Variants in MARCHF11 observed in about 807,000 individuals in gnomAD.
MARCHF11 encodes the protein membrane associated ring-CH-type finger 11, also known as E3 ubiquitin-protein ligase MARCHF11.
A neutral mutation model predicts 37.3 loss-of-function variants in MARCHF11; 29 were observed. That is an observed-to-expected ratio of 0.78 (90% CI 0.58 to 1.06). The LOEUF (loss-of-function observed/expected upper bound fraction) is 1.06. Among genes scored for constraint, MARCHF11 ranks in the 50% least tolerant of loss-of-function variants. The probability of loss-of-function intolerance (pLI) is 0.00; values close to 1 mark genes in which losing one functional copy is unlikely to be tolerated. For missense variants in MARCHF11, 482 were observed against 533.4 expected, an observed-to-expected ratio of 0.90 and a Z score of 0.95; for synonymous variants, 233 against 228.0, an observed-to-expected ratio of 1.02 and a Z score of -0.20.
At chr5:16,085,939 C>CAAAAAAAAAAAAAAAAAAAAAAAA (rs56782867) in intron 3 of MARCHF11, among the ~76,000 whole-genome samples, 2 of 40,952 alleles carry the variant, frequency 4.9e-5, no homozygotes, top group African/African-American at 8.3e-5. Context: ...GACTCCATCT[C>CAAAAAAAAAAAAAAAAAAAAAAAA]AAAAAAAAAA....
intron 3 of MARCHF11, among the ~76,000 whole-genome samples, chr5:16,075,812 G>A (rs1736506828): frequency 6.6e-6 from 1 of 152,228 alleles, no homozygotes; most frequent in African/African-American, 2.4e-5. Context: ...TCACGAGTGG[G>A]TTTTGGTCTT....
rs377235020 is a variant in MARCHF11 at position 16,074,283 on chromosome 5, T to A, written c.887-6490A>T. Reference sequence around the variant, plus strand: ...CAAGAGGAAAGTTCATAGCATTAAATGCCTACATCAAAAAGTCTGAAAGAG... The same window carrying A: ...CAAGAGGAAAGTTCATAGCATTAAAAGCCTACATCAAAAAGTCTGAAAGAG... On this transcript the variant is annotated intron_variant, in intron 3 of 3. Transcript: ENST00000332432. Among the ~76,000 whole-genome samples the A allele has an allele frequency of 8.5e-5, 13 of 152,250 alleles. No homozygotes were observed. The South Asian group carries it at 2.7e-3, about 32-fold the overall frequency.
intron 3 of MARCHF11, among the ~76,000 whole-genome samples, chr5:16,076,991 C>T (rs1263279737): frequency 6.6e-6 from 1 of 152,192 alleles, no homozygotes; most frequent in South Asian, 2.1e-4. Context: ...AAATTTTTCT[C>T]TGGCCTTTAT....
At chr5:16,117,368 C>T (rs940706845) in intron 2 of MARCHF11, among the ~76,000 whole-genome samples, 1 of 152,206 alleles carries the variant, frequency 6.6e-6, no homozygotes, top group Admixed American at 6.5e-5. Flanking sequence ...CTTTTACAGC[C>T]ATCTGATAAA....
At chr5:16,084,418 G>A (rs1303149074) in intron 3 of MARCHF11, among the ~76,000 whole-genome samples, 4 of 152,130 alleles carry the variant, frequency 2.6e-5, no homozygotes, top group South Asian at 4.1e-4. Flanking sequence ...CGAGGCAGGC[G>A]GGTCACTTGA....
chr5:16,152,571 C>T (rs1359949983), intron 2 of MARCHF11, among the ~76,000 whole-genome samples: 1 of 151,944 alleles, frequency 6.6e-6, no homozygotes, highest in Non-Finnish European at 1.5e-5. Flanking sequence ...AATCAGACAT[C>T]CATTTCTTAC....
chr5:16,082,128 A>G (rs1433608195), intron 3 of MARCHF11, among the ~76,000 whole-genome samples: 1 of 152,228 alleles, frequency 6.6e-6, no homozygotes, highest in Non-Finnish European at 1.5e-5. Flanking sequence ...ACAATTTCAC[A>G]TCACAAAGGG....
chr5:16,172,751 C>T (rs1168214225), intron 2 of MARCHF11, among the ~76,000 whole-genome samples: 14 of 152,190 alleles, frequency 9.2e-5, no homozygotes, highest in Admixed American at 9.2e-4. Context: ...ATGCCCCTTT[C>T]ATGATGGAGC....
At chr5:16,178,337 C>G (rs1738399431) in intron 1 of MARCHF11, among the ~76,000 whole-genome samples, 1 of 152,154 alleles carries the variant, frequency 6.6e-6, no homozygotes, top group African/African-American at 2.4e-5. Flanking sequence ...CCTGTATATT[C>G]TTATGCAATT....
intron 2 of MARCHF11, among the ~76,000 whole-genome samples, chr5:16,130,775 G>C (rs1445475637): frequency 1.3e-5 from 2 of 152,064 alleles, no homozygotes; most frequent in African/African-American, 2.4e-5. Flanking sequence ...ACTACTGCCA[G>C]GGATCAAACC....
At chr5:16,117,842 A>G (rs1201802940) in intron 2 of MARCHF11, among the ~76,000 whole-genome samples, 2 of 152,216 alleles carry the variant, frequency 1.3e-5, no homozygotes, top group African/African-American at 4.8e-5. Flanking sequence ...ACACTGCTGA[A>G]AAGACAGACA....
intron 2 of MARCHF11, among the ~76,000 whole-genome samples, chr5:16,121,458 GTAAA>G (rs2126577294): frequency 6.6e-6 from 1 of 152,208 alleles, no homozygotes; most frequent in South Asian, 2.1e-4. Flanking sequence ...ACGTAAACAA[GTAAA>G]TAAATGAATG....
chr5:16,153,445 T>C (rs746595317), intron 2 of MARCHF11, among the ~76,000 whole-genome samples: 2 of 151,934 alleles, frequency 1.3e-5, no homozygotes, highest in Admixed American at 1.3e-4. Context: ...CTAGGAAGCA[T>C]GACTGTCACT....
intron 2 of MARCHF11, among the ~76,000 whole-genome samples, chr5:16,118,656 A>G (rs2126575396): frequency 6.6e-6 from 1 of 152,332 alleles, no homozygotes; most frequent in East Asian, 1.9e-4. Flanking sequence ...TAAGAAATCT[A>G]AACTACACTA....
chr5:16,124,989 A>G (rs1031912856), intron 2 of MARCHF11, among the ~76,000 whole-genome samples: 6 of 151,520 alleles, frequency 4.0e-5, no homozygotes, highest in Non-Finnish European at 8.9e-5. Context: ...ACATGGCTGC[A>G]CTAGTGTCAG....
intron 2 of MARCHF11, among the ~76,000 whole-genome samples, chr5:16,133,010 A>T (rs1579401828): frequency 6.6e-6 from 1 of 152,216 alleles, no homozygotes; most frequent in Admixed American, 6.5e-5. Flanking sequence ...AATTAATTTT[A>T]AAAAAGTTTA....
In MARCHF11 at chr5:16,177,901, G is replaced by C; in HGVS notation, c.538-20C>G. The C allele has an allele frequency of 6.3e-7, 1 of 1,595,850 alleles. No individual in the cohort carries two copies. Among genetic ancestry groups the C allele is most frequent in the Non-Finnish European group, 8.5e-7 (1 of 1,172,358 alleles). ...CTCACCCTAAAAAGAAAACAGCTCA[G>C]TGTGAATATCTGTGTCTGTGTCTCT... On this transcript the variant is annotated intron_variant, in intron 1 of 3. Transcript: ENST00000332432.
chr5:16,156,104 T>A (rs1267270412), intron 2 of MARCHF11, among the ~76,000 whole-genome samples: 1 of 151,960 alleles, frequency 6.6e-6, no homozygotes, highest in Non-Finnish European at 1.5e-5. Flanking sequence ...TGAATATCTA[T>A]AAGTCTGTAA....
chr5:16,096,382 A>C (rs977286234), intron 2 of MARCHF11, among the ~76,000 whole-genome samples: 4 of 152,208 alleles, frequency 2.6e-5, no homozygotes, highest in Admixed American at 2.0e-4. Context: ...AAATTTTGGG[A>C]GAAATTAAAT....
Sources: allele counts gnomAD v4.1 joint callset (sites outside exome capture counted in the v4.1 genomes callset), GRCh38; gene constraint gnomAD v4.1.1; transcripts MANE v1.5; gene names NCBI Gene and HGNC (gene_info 2026-07-23, HGNC 2026-07-21).